The following STRN variants were observed in gnomAD, a reference collection of about 807,000 sequenced individuals.
STRN encodes the protein protein phosphatase 2 regulatory subunit B'''alpha.
In STRN, 53 loss-of-function variants were observed where a neutral mutation model predicts 96.3. The observed-to-expected ratio is 0.55, with a 90% confidence interval of 0.44 to 0.69. The LOEUF is 0.69. Among genes scored for constraint, STRN ranks in the 30% least tolerant of loss-of-function variants. The probability of loss-of-function intolerance (pLI) is 0.00; values close to 1 mark genes in which losing one functional copy is unlikely to be tolerated. For synonymous variants in STRN, 428 were observed against 355.9 expected, an observed-to-expected ratio of 1.20 and a Z score of -2.28; for missense variants, 987 against 963.9, an observed-to-expected ratio of 1.02 and a Z score of -0.32.
At chr2:36,934,857 A>C (rs1376031678) in intron 1 of STRN, among the ~76,000 whole-genome samples, 1 of 152,164 alleles carries the variant, frequency 6.6e-6, no homozygotes, top group Non-Finnish European at 1.5e-5. Flanking sequence ...TGGATGGATC[A>C]CTTGAACTCA....
chr2:36,864,488 C>T (rs1201667984), intron 12 of STRN, among the ~76,000 whole-genome samples: 1 of 152,176 alleles, frequency 6.6e-6, no homozygotes, highest in Non-Finnish European at 1.5e-5. Context: ...ACTAACCTTG[C>T]AACCCAGGGA....
chr2:36,962,766 C>T (rs528567137), intron 1 of STRN, among the ~76,000 whole-genome samples: 1 of 152,292 alleles, frequency 6.6e-6, no homozygotes, highest in African/African-American at 2.4e-5. Flanking sequence ...CTTGGCCTCC[C>T]AAAGTGCTGG....
At position 36,840,369 on chromosome 2, in the gene STRN, G is replaced by A. The variant is rs1489136783; in HGVS notation, c.*9087C>T. 1 of 152,172 alleles carries A rather than the reference G, an allele frequency of 6.6e-6. No homozygotes were observed. Among genetic ancestry groups the A allele is most frequent in the Non-Finnish European group, 1.5e-5 (1 of 68,074 alleles). 9.4% of individuals were successfully genotyped at this position (152,172 alleles called of 1,614,324 possible). A position where few individuals can be genotyped will look rare whatever the true frequency, so the allele number is the denominator to read the frequency against. On this transcript the variant is annotated 3_prime_UTR_variant, in exon 18 of 18. Transcript: ENST00000263918. Reference sequence around the variant, plus strand: ...TCCTGTCCCCACCATGCTCTGCTCAGTTTTCACGCAGGCAGGACTGGAACT... The same window carrying A: ...TCCTGTCCCCACCATGCTCTGCTCAATTTTCACGCAGGCAGGACTGGAACT...
intron 8 of STRN, among the ~76,000 whole-genome samples, chr2:36,885,989 G>C (rs1417728412): frequency 3.9e-5 from 6 of 152,024 alleles, no homozygotes; most frequent in Non-Finnish European, 5.9e-5. Flanking sequence ...GTAAGGTTTT[G>C]TATTTCCATT....
intron 15 of STRN, 68 bp downstream of exon 15, chr2:36,855,143 AC>A: frequency 6.7e-7 from 1 of 1,492,642 alleles, no homozygotes; most frequent in Non-Finnish European, 9.2e-7. Flanking sequence ...TTCACAGCTG[AC>A]TCTAGTAGTC....
intron 9 of STRN, among the ~76,000 whole-genome samples, chr2:36,882,002 C>G (rs1019083849): frequency 6.6e-6 from 1 of 152,104 alleles, no homozygotes; most frequent in Admixed American, 6.6e-5. Flanking sequence ...ATCAAATAAA[C>G]TTTACATCTA....
At chr2:36,953,667 G>A (rs995964529) in intron 1 of STRN, among the ~76,000 whole-genome samples, 9 of 152,192 alleles carry the variant, frequency 5.9e-5, no homozygotes, top group African/African-American at 1.9e-4. Flanking sequence ...CTCCCAAAGT[G>A]CTGGGATTAC....
intron 1 of STRN, among the ~76,000 whole-genome samples, chr2:36,947,639 A>G (rs1274238837): frequency 6.6e-6 from 1 of 150,684 alleles, no homozygotes; most frequent in East Asian, 1.9e-4. Context: ...TGTTCTACAA[A>G]AATTCGATGT....
intron 1 of STRN, among the ~76,000 whole-genome samples, chr2:36,959,766 T>C (rs564984744): frequency 6.6e-6 from 1 of 152,304 alleles, no homozygotes; most frequent in South Asian, 2.1e-4. Flanking sequence ...TTATAGATAA[T>C]GTAAAAACAG....
At chr2:36,890,595 T>A (rs1037996074) in intron 7 of STRN, among the ~76,000 whole-genome samples, 1 of 149,034 alleles carries the variant, frequency 6.7e-6, no homozygotes, top group Non-Finnish European at 1.5e-5. Flanking sequence ...GTGATTCTCC[T>A]ACCTCAGCCT....
intron 3 of STRN, among the ~76,000 whole-genome samples, chr2:36,912,429 G>A (rs547629183): frequency 1.3e-5 from 2 of 152,284 alleles, no homozygotes; most frequent in East Asian, 1.9e-4. Context: ...AAGTCCTACA[G>A]ATATTCTTCA....
chr2:36,931,211 T>C (rs1670567706), intron 1 of STRN, among the ~76,000 whole-genome samples: 1 of 152,144 alleles, frequency 6.6e-6, no homozygotes, highest in African/African-American at 2.4e-5. Flanking sequence ...GAGTACATAC[T>C]AGCTTTTTGA....
intron 1 of STRN, among the ~76,000 whole-genome samples, chr2:36,965,848 G>A (rs1422723283): frequency 6.6e-6 from 1 of 152,170 alleles, no homozygotes; most frequent in East Asian, 1.9e-4. Context: ...GACCTAGGAA[G>A]GGGCACACCA....
At chr2:36,950,783 T>C (rs989597181) in intron 1 of STRN, among the ~76,000 whole-genome samples, 8 of 152,336 alleles carry the variant, frequency 5.3e-5, no homozygotes, top group African/African-American at 1.2e-4. Flanking sequence ...GGAACTTGCA[T>C]ATTTTAGCCT....
intron 7 of STRN, among the ~76,000 whole-genome samples, chr2:36,892,869 A>T (rs1413685705): frequency 6.6e-6 from 1 of 152,038 alleles, no homozygotes; most frequent in African/African-American, 2.4e-5. Context: ...AAAAATACAA[A>T]AATTAGCCAG....
chr2:36,912,362 C>A (rs1669984648), intron 3 of STRN, among the ~76,000 whole-genome samples: 1 of 152,116 alleles, frequency 6.6e-6, no homozygotes. Context: ...CTAACTATAC[C>A]CACTTTATTT....
chr2:36,953,938 G>C (rs1402840813), intron 1 of STRN, among the ~76,000 whole-genome samples: 1 of 152,112 alleles, frequency 6.6e-6, no homozygotes, highest in Non-Finnish European at 1.5e-5. Context: ...TGAGGCTGCA[G>C]TGAACTATGA....
chr2:36,922,602 C>G (rs185927222), intron 2 of STRN, among the ~76,000 whole-genome samples: 9 of 152,002 alleles, frequency 5.9e-5, no homozygotes, highest in African/African-American at 2.2e-4. Context: ...TGGTTAGGCT[C>G]TCTATGATCT....
Position 36,838,335 on chromosome 2 carries a change from T to TC in STRN, c.*11120dup, listed in dbSNP as rs1473655356. 1.3e-5 allele frequency among the ~76,000 whole-genome samples: 2 copies of TC among 152,200 alleles called. No homozygotes were observed. Among genetic ancestry groups the TC allele is most frequent in the Non-Finnish European group, 2.9e-5 (2 of 68,030 alleles). On this transcript the variant is annotated 3_prime_UTR_variant, in exon 18 of 18. Coordinates refer to ENST00000263918, the MANE Select transcript of STRN (RefSeq NM_003162.4). ...TGAGTACCCACCCTGGAAGACACTT[T>TC]CATTTCAGCCTTGTTGGGCCTTGAA...
Sources: allele counts gnomAD v4.1 joint callset (sites outside exome capture counted in the v4.1 genomes callset), GRCh38; gene constraint gnomAD v4.1.1; transcripts MANE v1.5; gene names NCBI Gene and HGNC (gene_info 2026-07-23, HGNC 2026-07-21).